FBXO36: variants seen among roughly 807,000 people sequenced by gnomAD.
The protein encoded by FBXO36 is F-box protein 36.
Under a neutral mutation model 17.0 loss-of-function variants are expected in FBXO36, and 18 were observed. The ratio of observed to expected loss-of-function variants is 1.06; its 90% CI spans 0.73 to 1.57. FBXO36 has a LOEUF of 1.57. Among genes scored for constraint, FBXO36 ranks in the 40% most tolerant of loss-of-function variants. The pLI, the probability that FBXO36 is intolerant of heterozygous loss-of-function variation, is 0.00. For missense variants in FBXO36, 229 were observed against 221.9 expected (o/e 1.03, Z -0.20); for synonymous variants, 83 against 85.3 (o/e 0.97, Z 0.15).
chr2:230,012,157 A>G lies in FBXO36; in HGVS notation c.*1273A>G, dbSNP rs1338224990. On this transcript the variant is annotated 3_prime_UTR_variant, in exon 4 of 4. Coordinates refer to ENST00000283946, the MANE Select transcript of FBXO36 (RefSeq NM_174899.5). ...GGAAAACTCACCTCCGGTGCCAGAG[A>G]AACTTCCCAGGATGCACTAGGGCCC... The G allele has an allele frequency of 6.6e-6, 1 of 152,094 alleles. No individual in the cohort carries two copies. The highest frequency in any genetic ancestry group is 1.5e-5 in the Non-Finnish European group (1 of 68,014). The allele number at this position is 152,094 out of a possible 1,614,324, so 9.4% of individuals were successfully genotyped here. A position where few individuals can be genotyped will look rare whatever the true frequency, so the allele number is the denominator to read the frequency against.
At chr2:229,996,563 T>C (rs1294522381) in intron 2 of FBXO36, among the ~76,000 whole-genome samples, 188 bp from the exon 3 acceptor site, 3 of 152,186 alleles carry the variant, frequency 2.0e-5, no homozygotes, top group African/African-American at 4.8e-5. Flanking sequence ...GGGACAGAAA[T>C]TGGAAACAGA....
At position 229,953,136 on chromosome 2, in the gene FBXO36, G is replaced by A. The variant is rs765766442; in HGVS notation, c.97-23105G>A. 3.3e-5 allele frequency among the ~76,000 whole-genome samples: 5 copies of A among 152,078 alleles called. No individual in the cohort carries two copies. In the South Asian group the frequency reaches 6.2e-4, roughly 19 times the overall value. On this transcript the variant is annotated intron_variant, in intron 1 of 3. Coordinates refer to ENST00000283946, the MANE Select transcript of FBXO36 (RefSeq NM_174899.5). ...GTGAATCACCTGAGGTCTGGAGTTC[G>A]AGACCAGCCTGGCCAACACGGCAAA...
intron 2 of FBXO36, among the ~76,000 whole-genome samples, chr2:229,992,135 C>G (rs2077301034): frequency 6.6e-6 from 1 of 151,942 alleles, no homozygotes; most frequent in Non-Finnish European, 1.5e-5. Flanking sequence ...ATGGCACAAC[C>G]CATAAGTTGC....
chr2:229,984,646 C>T (rs1163419451), intron 2 of FBXO36, among the ~76,000 whole-genome samples: 1 of 152,030 alleles, frequency 6.6e-6, no homozygotes, highest in African/African-American at 2.4e-5. Flanking sequence ...CCTCAGCCTC[C>T]CAAAGTGCTG....
chr2:229,963,611 A>AT (rs1225084478), intron 1 of FBXO36, among the ~76,000 whole-genome samples: 2 of 151,342 alleles, frequency 1.3e-5, no homozygotes, highest in Non-Finnish European at 2.9e-5. Flanking sequence ...TGCCCGGCTA[A>AT]TTTTTTGTAT....
intron 2 of FBXO36, among the ~76,000 whole-genome samples, chr2:229,985,811 G>T (rs1292961405): frequency 1.3e-5 from 2 of 152,186 alleles, no homozygotes; most frequent in Non-Finnish European, 1.5e-5. Flanking sequence ...CACTTTGGGA[G>T]GCAAAGGTGG....
chr2:229,957,658 G>A (rs1304498878), intron 1 of FBXO36, among the ~76,000 whole-genome samples: 1 of 152,118 alleles, frequency 6.6e-6, no homozygotes, highest in Non-Finnish European at 1.5e-5. Flanking sequence ...CAGTAATAGG[G>A]AATGAGTCAA....
At chr2:229,993,978 T>C (rs1300853824) in intron 2 of FBXO36, among the ~76,000 whole-genome samples, 1 of 152,014 alleles carries the variant, frequency 6.6e-6, no homozygotes, top group Non-Finnish European at 1.5e-5. Flanking sequence ...TTCACTGTGT[T>C]AGCCAGGTTG....
chr2:229,982,877 A>C (rs1366629211), intron 2 of FBXO36, among the ~76,000 whole-genome samples: 4 of 151,990 alleles, frequency 2.6e-5, no homozygotes, highest in Admixed American at 2.0e-4. Flanking sequence ...GGAGATTAGG[A>C]CATGGACATC....
intron 3 of FBXO36, among the ~76,000 whole-genome samples, chr2:230,003,923 C>T (rs2077373088): frequency 6.6e-6 from 1 of 152,204 alleles, no homozygotes; most frequent in Non-Finnish European, 1.5e-5. Context: ...GATTGCTTGT[C>T]CATGTGAGCT....
chr2:229,931,793 C>G (rs1210712496), intron 1 of FBXO36, among the ~76,000 whole-genome samples: 1 of 152,018 alleles, frequency 6.6e-6, no homozygotes, highest in Non-Finnish European at 1.5e-5. Flanking sequence ...GAGCCAAGAT[C>G]GTGCCATTGC....
chr2:230,002,238 C>T (rs1456075982), intron 3 of FBXO36, among the ~76,000 whole-genome samples: 1 of 152,050 alleles, frequency 6.6e-6, no homozygotes, highest in African/African-American at 2.4e-5. Context: ...AATATTGGTA[C>T]AACACTATTA....
chr2:229,994,219 T>C (rs2106208430), intron 2 of FBXO36, among the ~76,000 whole-genome samples: 1 of 152,172 alleles, frequency 6.6e-6, no homozygotes. Flanking sequence ...TTTTTCTTCT[T>C]CTTCTGCTGG....
chr2:229,925,122 A>AT (rs2076904555), intron 1 of FBXO36, among the ~76,000 whole-genome samples: 1 of 150,706 alleles, frequency 6.6e-6, no homozygotes, highest in Admixed American at 6.6e-5. Context: ...TTATTTATTT[A>AT]TTTTTTATTT....
chr2:229,979,645 T>C (rs962181920), intron 2 of FBXO36, among the ~76,000 whole-genome samples: 4 of 151,818 alleles, frequency 2.6e-5, no homozygotes, highest in African/African-American at 9.7e-5. Flanking sequence ...CCGGGTGTGG[T>C]TGTGCAAGCC....
chr2:229,949,766 A>T (rs1325278266), intron 1 of FBXO36, among the ~76,000 whole-genome samples: 1 of 152,072 alleles, frequency 6.6e-6, no homozygotes, highest in Non-Finnish European at 1.5e-5. Context: ...TCTACTAAAA[A>T]TACCAAAAAT....
At chr2:229,938,114 C>G (rs1385755680) in intron 1 of FBXO36, among the ~76,000 whole-genome samples, 3 of 151,878 alleles carry the variant, frequency 2.0e-5, no homozygotes, top group South Asian at 2.1e-4. Context: ...ATTACAGGCA[C>G]CTGCTATCAT....
At chr2:229,976,105 T>C (rs1031261590) in intron 1 of FBXO36, 136 bp from the exon 2 acceptor site, 6 of 590,876 alleles carry the variant, frequency 1.0e-5, no homozygotes, top group Admixed American at 9.3e-5. Flanking sequence ...AATTCTAATT[T>C]GATGTGATGC....
intron 3 of FBXO36, among the ~76,000 whole-genome samples, chr2:229,998,624 G>GAA (rs71049611): frequency 0.074 from 9,620 of 129,868 alleles, 473 homozygotes; most frequent in Middle Eastern, 0.16. Flanking sequence ...CTCAGTCTCA[G>GAA]AAAAAAAAAA....
Sources: gnomAD v4.1 joint callset for allele counts (sites outside exome capture counted in the v4.1 genomes callset) on GRCh38, gnomAD v4.1.1 for gene constraint, MANE v1.5 for transcripts, NCBI Gene and HGNC (gene_info 2026-07-23, HGNC 2026-07-21) for gene names.